TDRD15: variants seen among roughly 807,000 people sequenced by gnomAD.
TDRD15 encodes tudor domain-containing protein 15.
For missense variants in TDRD15, 1,416 were observed against 904.7 expected (o/e 1.57, Z -7.25); for synonymous variants, 503 against 314.5 (o/e 1.60, Z -6.34).
Position 21,139,331 on chromosome 2 carries a change from A to G in TDRD15, c.1864A>G (p.Asn622Asp). Residue 622 changes from asparagine (N) to aspartate (D), a missense_variant, in exon 4 of 4, where the codon AAC becomes GAC. Coordinates refer to ENST00000405799, the MANE Select transcript of TDRD15 (RefSeq NM_001306137.2). ...AIDYFKKLVL[N>D]KAILLQVIAK... ...TGATTATTTTAAAAAATTAGTTTTG[A>G]ACAAAGCAATTTTGCTTCAGGTTAT... 1.4e-6 allele frequency: 1 copy of G among 704,904 alleles called. No individual in the cohort carries two copies. The highest frequency in any genetic ancestry group is 1.5e-5 in the South Asian group (1 of 64,564). 43.7% of individuals were successfully genotyped at this position (704,904 alleles called of 1,614,324 possible). A position where few individuals can be genotyped will look rare whatever the true frequency, so the allele number is the denominator to read the frequency against.
intron 2 of TDRD15, among the ~76,000 whole-genome samples, chr2:21,129,517 G>A (rs1665678188): frequency 6.6e-6 from 1 of 152,150 alleles, no homozygotes; most frequent in Non-Finnish European, 1.5e-5. Flanking sequence ...GAAGAAATAT[G>A]TAGTCAAATC....
downstream of TDRD15, among the ~76,000 whole-genome samples, chr2:21,145,966 G>A (rs1022415403): frequency 3.9e-5 from 6 of 151,900 alleles, no homozygotes; most frequent in African/African-American, 1.2e-4. Flanking sequence ...AAACTCTGAC[G>A]CCTGGGTCCC....
rs1362222600 is a variant in TDRD15, at chr2:21,138,272, A to G, written c.805A>G (p.Asn269Asp). ...AATTAAATGGACTCCAGAGCTAGAA[A>G]ACTTGACAGCACATATGACTTTGCA... ...QLIKWTPELENLTAHMTLHYD... is the reference protein window; with the variant it reads ...QLIKWTPELEDLTAHMTLHYD... Residue 269 changes from asparagine (N) to aspartate (D), a missense_variant, in exon 4 of 4, where the codon AAC becomes GAC. Physicochemically the swap from Asn to Asp is conservative, Grantham distance 23 (BLOSUM62 1). Transcript: ENST00000405799. 1.4e-6 allele frequency: 1 copy of G among 716,154 alleles called. No homozygotes were observed. Among genetic ancestry groups the G allele is most frequent in the Admixed American group, 2.0e-5 (1 of 49,892 alleles). 44.4% of individuals were successfully genotyped at this position (716,154 alleles called of 1,614,324 possible).
rs1432207125 is a variant in TDRD15, at chr2:21,135,443, A to G, written c.-4+596A>G. Among the ~76,000 whole-genome samples the G allele has an allele frequency of 4.0e-5, 6 of 151,790 alleles. No homozygotes were observed. In the South Asian group the frequency reaches 1.0e-3, roughly 26 times the overall value. On this transcript the variant is annotated intron_variant, in intron 3 of 3. Coordinates refer to ENST00000405799, the MANE Select transcript of TDRD15 (RefSeq NM_001306137.2). ...TTCATTGTGGGGCCCTCTGGTGAGT[A>G]TCACATGGGACCTAAAATTTTCCTA...
chr2:21,131,822 C>T (rs971923530), intron 2 of TDRD15, among the ~76,000 whole-genome samples: 4 of 151,664 alleles, frequency 2.6e-5, no homozygotes, highest in Non-Finnish European at 5.9e-5. Flanking sequence ...AAATGATAAA[C>T]GTTGGTAGAT....
intron 3 of TDRD15, among the ~76,000 whole-genome samples, 168 bp downstream of exon 3, chr2:21,135,015 A>AAT (rs1665781741): frequency 6.8e-6 from 1 of 146,860 alleles, no homozygotes; most frequent in Non-Finnish European, 1.5e-5. Context: ...ATTTATATAT[A>AAT]AATTGTGTAT....
Position 21,134,797 on chromosome 2 carries a change from A to G in TDRD15, c.-54A>G, listed in dbSNP as rs1019619751. 7 of 151,588 alleles carry G rather than the reference A, an allele frequency of 4.6e-5. No homozygotes were observed. Among genetic ancestry groups the G allele is most frequent in the African/African-American group, 1.7e-4 (7 of 41,388 alleles). 9.4% of individuals were successfully genotyped at this position (151,588 alleles called of 1,614,324 possible). ...TGATTCTAAGGAAAAATAGTTTCCC[A>G]AATTTCACACAATTAATTGAGTACT... On this transcript the variant is annotated 5_prime_UTR_variant, in exon 3 of 4. Transcript: ENST00000405799.
rs1490845652 is a variant in TDRD15, at chr2:21,140,053, A to G, written c.2586A>G (p.Arg862=). ...RFLLLESQAF[R]CCLNHFIEPV... is the part of the protein sequence containing the mutation. Reference sequence around the variant, plus strand: ...TCTTGTTAGAAAGCCAAGCCTTCAGATGTTGTCTTAACCATTTTATTGAGC... The same window carrying G: ...TCTTGTTAGAAAGCCAAGCCTTCAGGTGTTGTCTTAACCATTTTATTGAGC... The change falls in exon 4 of 4, where the codon AGA becomes AGG. Residue 862 remains arginine, a synonymous_variant. Transcript: ENST00000405799. 1 of 715,852 alleles carries G rather than the reference A, an allele frequency of 1.4e-6. No homozygotes were observed. The highest frequency in any genetic ancestry group is 2.6e-6 in the Non-Finnish European group (1 of 384,048). 44.3% of individuals were successfully genotyped at this position (715,852 alleles called of 1,614,324 possible).
downstream of TDRD15, among the ~76,000 whole-genome samples, chr2:21,146,260 T>C (rs768514987): frequency 3.9e-5 from 6 of 152,050 alleles, no homozygotes; most frequent in African/African-American, 7.2e-5. Flanking sequence ...AGTAAAAATA[T>C]TATCATGTTA....
intron 3 of TDRD15, among the ~76,000 whole-genome samples, chr2:21,136,953 C>T (rs1250621733): frequency 3.3e-5 from 5 of 151,954 alleles, no homozygotes; most frequent in African/African-American, 1.2e-4. Context: ...CCAAATATTG[C>T]GAGTTCCGCA....
intron 2 of TDRD15, among the ~76,000 whole-genome samples, chr2:21,128,963 G>A (rs1157348920): frequency 1.3e-5 from 2 of 151,578 alleles, no homozygotes; most frequent in African/African-American, 4.9e-5. Flanking sequence ...TTTTGACAGA[G>A]TCTTGCTCTG....
In TDRD15 at chr2:21,137,446, A is replaced by G; in HGVS notation, c.-3-19A>G. 1.6e-6 allele frequency: 1 copy of G among 609,502 alleles called. No homozygotes were observed. The highest frequency in any genetic ancestry group is 3.0e-6 in the Non-Finnish European group (1 of 336,972). The allele number at this position is 609,502 out of a possible 1,614,324, so 37.8% of individuals were successfully genotyped here. A position where few individuals can be genotyped will look rare whatever the true frequency, so the allele number is the denominator to read the frequency against. ...AGTTAACTTTGATAGCTAATGAGTA[A>G]TTATTATTTGCTTTTTAGAAAATGG... On this transcript the variant is annotated intron_variant, in intron 3 of 3. Transcript: ENST00000405799.
chr2:21,131,326 ATATCT>A (rs1665713903), intron 2 of TDRD15, among the ~76,000 whole-genome samples: 2 of 152,176 alleles, frequency 1.3e-5, no homozygotes, highest in Admixed American at 6.5e-5. Flanking sequence ...AATCCATGTG[ATATCT>A]TATAAAATCA....
chr2:21,135,117 ATATT>A (rs1020091846), intron 3 of TDRD15, among the ~76,000 whole-genome samples: 1 of 146,316 alleles, frequency 6.8e-6, no homozygotes, highest in Admixed American at 6.9e-5. Context: ...AATATAAAAT[ATATT>A]ATGTATTAAA....
chr2:21,135,073 A>G (rs1206705472), intron 3 of TDRD15, among the ~76,000 whole-genome samples: 1 of 146,452 alleles, frequency 6.8e-6, no homozygotes, highest in Non-Finnish European at 1.5e-5. Flanking sequence ...ATATTTATAT[A>G]TAAACAATTA....
Position 21,139,217 on chromosome 2 carries a change from C to G in TDRD15, c.1750C>G (p.Pro584Ala). ...IPFFDVKILLPEFCELPALAM... is the reference protein window; with the variant it reads ...IPFFDVKILLAEFCELPALAM... ...ATTTTTTGATGTAAAAATTTTGCTT[C>G]CAGAATTTTGTGAGTTGCCTGCCTT... Residue 584 changes from proline (P) to alanine (A), a missense_variant, in exon 4 of 4, where the codon CCA becomes GCA. Transcript: ENST00000405799. The G allele has an allele frequency of 1.4e-6, 1 of 715,170 alleles. No individual in the cohort carries two copies. The highest frequency in any genetic ancestry group is 2.6e-6 in the Non-Finnish European group (1 of 383,946). The allele number at this position is 715,170 out of a possible 1,614,324, so 44.3% of individuals were successfully genotyped here. A position where few individuals can be genotyped will look rare whatever the true frequency, so the allele number is the denominator to read the frequency against.
chr2:21,126,783 A>G (rs1244825321), intron 1 of TDRD15, among the ~76,000 whole-genome samples: 1 of 152,194 alleles, frequency 6.6e-6, no homozygotes, highest in Non-Finnish European at 1.5e-5. Flanking sequence ...AGTCTCCTAC[A>G]AGTTTTTGTA....
Position 21,138,669 on chromosome 2 carries a change from T to G in TDRD15, c.1202T>G (p.Leu401Ter). The part of the protein sequence containing the change: ...NKDECLYYVT[L>*]QTQESTVNSK... ...GATGAGTGTTTGTATTATGTGACAT[T>G]ACAAACTCAAGAGTCTACAGTTAAT... The change falls in exon 4 of 4, where the codon TTA becomes TGA. Residue 401 changes from leucine (L) to a stop codon, truncating the protein, a stop_gained. Coordinates refer to ENST00000405799, the MANE Select transcript of TDRD15 (RefSeq NM_001306137.2). LOFTEE classifies it low-confidence loss of function (END_TRUNC). 1.4e-6 allele frequency: 1 copy of G among 715,562 alleles called. No homozygotes were observed. The highest frequency in any genetic ancestry group is 2.6e-6 in the Non-Finnish European group (1 of 384,094). The allele number at this position is 715,562 out of a possible 1,614,324, so 44.3% of individuals were successfully genotyped here.
intron 2 of TDRD15, among the ~76,000 whole-genome samples, chr2:21,132,439 A>G (rs914194893): frequency 6.6e-6 from 1 of 152,104 alleles, no homozygotes; most frequent in African/African-American, 2.4e-5. Context: ...TGAGGAAGGT[A>G]GTATTACAGA....
Sources: allele counts gnomAD v4.1 joint callset (sites outside exome capture counted in the v4.1 genomes callset), GRCh38; gene constraint gnomAD v4.1.1; transcripts MANE v1.5; gene names NCBI Gene and HGNC (gene_info 2026-07-23, HGNC 2026-07-21).